Variants in STAB2 observed in about 807,000 individuals in gnomAD.
STAB2 encodes the protein stabilin 2, also known as stabilin-2.
Under a neutral mutation model 338.1 loss-of-function variants are expected in STAB2, and 288 were observed. The ratio of observed to expected loss-of-function variants is 0.85; its 90% CI spans 0.77 to 0.94. STAB2 has a LOEUF of 0.94. STAB2 is among the 40% of genes least tolerant of loss of function. The pLI, the probability that STAB2 is intolerant of heterozygous loss-of-function variation, is 0.00. For synonymous variants in STAB2, 1,202 were observed against 1,193.3 expected, an observed-to-expected ratio of 1.01 and a Z score of -0.15; for missense variants, 3,141 against 3,210.1, an observed-to-expected ratio of 0.98 and a Z score of 0.52.
intron 58 of STAB2, among the ~76,000 whole-genome samples, chr12:103,748,605 TACACACACACACACACAC>T (rs71097994): frequency 0.016 from 2,261 of 141,674 alleles, 23 homozygotes; most frequent in East Asian, 0.051. Context: ...CACACACACA[TACACACACACACACACAC>T]ACACACACAC....
intron 3 of STAB2, among the ~76,000 whole-genome samples, chr12:103,615,908 G>C (rs115041481): frequency 6.6e-6 from 1 of 152,088 alleles, no homozygotes; most frequent in Non-Finnish European, 1.5e-5. Context: ...ACCTCCACAG[G>C]GTCTAGCCCT....
At chr12:103,668,976 C>T in intron 20 of STAB2, 1 of 406,840 alleles carries the variant, frequency 2.5e-6, no homozygotes, top group East Asian at 3.9e-5. Flanking sequence ...ACATGGCCCA[C>T]CCTCTGCCTG....
intron 3 of STAB2, among the ~76,000 whole-genome samples, chr12:103,611,143 G>T (rs1312720600): frequency 6.6e-6 from 1 of 152,200 alleles, no homozygotes; most frequent in African/African-American, 2.4e-5. Context: ...GCGGTGTGGT[G>T]CTGAGAAGAA....
At chr12:103,691,244 G>A (rs1178950413) in intron 30 of STAB2, among the ~76,000 whole-genome samples, 3 of 152,202 alleles carry the variant, frequency 2.0e-5, no homozygotes, top group African/African-American at 7.2e-5. Context: ...ACTGCAAAAT[G>A]AGAACTGCTA....
Position 103,675,908 on chromosome 12 carries a change from T to A in STAB2, c.2553-20T>A, listed in dbSNP as rs1876301789. Reference sequence around the variant, plus strand: ...GTTGGTGCTTATTCTGGGGCTGATATTGCACACTCTCCTTTGCAGTTGTAT... The same window carrying A: ...GTTGGTGCTTATTCTGGGGCTGATAATGCACACTCTCCTTTGCAGTTGTAT... On this transcript the variant is annotated intron_variant, in intron 23 of 68. Transcript: ENST00000388887. The A allele has an allele frequency of 1.9e-6, 3 of 1,595,602 alleles. No individual in the cohort carries two copies. The highest frequency in any genetic ancestry group is 1.7e-6 in the Non-Finnish European group (2 of 1,169,064).
intron 9 of STAB2, among the ~76,000 whole-genome samples, chr12:103,644,498 C>T (rs1873185011): frequency 2.0e-5 from 3 of 150,460 alleles, no homozygotes; most frequent in Admixed American, 2.0e-4. Context: ...GCCAAATCCC[C>T]CTCTGTGAGA....
rs79625500 is a variant in STAB2 at position 103,745,372 on chromosome 12, G to A, written c.6136+95G>A. 1.3e-3 allele frequency: 1,433 copies of A among 1,140,818 alleles called. 10 individuals are homozygous for A. The African/African-American group carries it at 0.019, about 15-fold the overall frequency. 70.7% of individuals were successfully genotyped at this position (1,140,818 alleles called of 1,614,324 possible). On this transcript the variant is annotated intron_variant, in intron 57 of 68. Transcript: ENST00000388887. ...GAGGTTGGGAGTCTGAGTGACATCT[G>A]AAAAAAGTGACAAAGCAGGTCCATG...
At chr12:103,596,708 A>C (rs1956880370) in intron 3 of STAB2, among the ~76,000 whole-genome samples, 1 of 152,188 alleles carries the variant, frequency 6.6e-6, no homozygotes, top group South Asian at 2.1e-4. Context: ...ATGAGCAGGC[A>C]AAAAGGATTC....
chr12:103,748,613 C>CAA (rs1883288215), intron 58 of STAB2, among the ~76,000 whole-genome samples: 1 of 23,162 alleles, frequency 4.3e-5, no homozygotes, highest in Non-Finnish European at 9.7e-5. Context: ...CATACACACA[C>CAA]ACACACACAC....
rs144507357 is a variant in STAB2 at position 103,693,104 on chromosome 12, G to T, written c.3375+215G>T. 7.8e-3 allele frequency among the ~76,000 whole-genome samples: 1,182 copies of T among 152,184 alleles called. 12 individuals carry two copies. Among genetic ancestry groups the T allele is most frequent in the African/African-American group, 0.027 (1,123 of 41,516 alleles). ...TTATCCAGCCTGTATTCTGCAATGG[G>T]CCCTTTATCAAGTGTGGTCACATAT... On this transcript the variant is annotated intron_variant, in intron 31 of 68. Transcript: ENST00000388887.
At chr12:103,662,373 A>G (rs1233202879) in intron 17 of STAB2, among the ~76,000 whole-genome samples, 1 of 152,086 alleles carries the variant, frequency 6.6e-6, no homozygotes, top group Admixed American at 6.5e-5. Context: ...GGAGATCAGA[A>G]ATCTTTGCTA....
chr12:103,660,430 T>C lies in STAB2; in HGVS notation c.1788+46T>C, dbSNP rs762436300. 3.8e-6 allele frequency: 6 copies of C among 1,597,236 alleles called. No homozygotes were observed. In the Admixed American group the frequency reaches 5.0e-5, roughly 13 times the overall value. On this transcript the variant is annotated intron_variant, in intron 16 of 68. Coordinates refer to ENST00000388887, the MANE Select transcript of STAB2 (RefSeq NM_017564.10). The stretch of plus-strand genomic sequence containing the variant: ...TGCTACTTTCTCTCTGCTTCCAAGA[T>C]AGCTAACTTAGTCTTGAATTCCAAT...
chr12:103,651,728 T>G (rs968331817), intron 11 of STAB2, among the ~76,000 whole-genome samples: 1 of 152,150 alleles, frequency 6.6e-6, no homozygotes, highest in African/African-American at 2.4e-5. Flanking sequence ...CATAAAATGA[T>G]GGAAGCCAAT....
chr12:103,681,262 G>A (rs1002228453), intron 25 of STAB2, among the ~76,000 whole-genome samples: 15 of 151,978 alleles, frequency 9.9e-5, no homozygotes, highest in Non-Finnish European at 8.8e-5. Context: ...ATTCATTTTT[G>A]ACGCACTTGA....
Position 103,748,958 on chromosome 12 carries a change from T to TG in STAB2, c.6245-4dup, listed in dbSNP as rs777250720. The TG allele has an allele frequency of 1.2e-5, 19 of 1,611,694 alleles. No individual in the cohort carries two copies. The South Asian group carries it at 1.9e-4, about 16-fold the overall frequency. On this transcript the variant is annotated splice_polypyrimidine_tract_variant and splice_region_variant and intron_variant, in intron 58 of 68. Transcript: ENST00000388887. ...AGTTGAGCCCTCTCTCCTCTGCTCT[T>TG]GCAGTTGTGGATTTCTGCAAACAGG...
At chr12:103,588,067 C>T (rs1257527184) in intron 1 of STAB2, among the ~76,000 whole-genome samples, 5 of 152,116 alleles carry the variant, frequency 3.3e-5, no homozygotes, top group Non-Finnish European at 7.4e-5. Context: ...ACCAGTAGCC[C>T]CTATGAAGTA....
intron 6 of STAB2, among the ~76,000 whole-genome samples, chr12:103,635,443 C>A (rs920092526): frequency 6.6e-6 from 1 of 152,244 alleles, no homozygotes; most frequent in South Asian, 2.1e-4. Context: ...TGTTTCTTAG[C>A]CCCACATGGT....
At chr12:103,719,608 C>A (rs1341604679) in intron 44 of STAB2, among the ~76,000 whole-genome samples, 1 of 152,358 alleles carries the variant, frequency 6.6e-6, no homozygotes, top group Non-Finnish European at 1.5e-5. Context: ...CTTCACATGG[C>A]CTTCACTTCT....
chr12:103,652,091 T>G (rs1300072352), intron 11 of STAB2, among the ~76,000 whole-genome samples: 1 of 152,254 alleles, frequency 6.6e-6, no homozygotes, highest in Non-Finnish European at 1.5e-5. Context: ...AAAGTAGATT[T>G]GATCCCATGG....
Sources: allele counts gnomAD v4.1 joint callset (sites outside exome capture counted in the v4.1 genomes callset), GRCh38; gene constraint gnomAD v4.1.1; transcripts MANE v1.5; gene names NCBI Gene and HGNC (gene_info 2026-07-23, HGNC 2026-07-21).